MACROD1: variants seen among roughly 807,000 people sequenced by gnomAD.
The protein encoded by MACROD1 is ADP-ribose glycohydrolase MACROD1.
In MACROD1, 31 loss-of-function variants were observed where a neutral mutation model predicts 41.4. The observed-to-expected ratio is 0.75, with a 90% CI of 0.56 to 1.01. MACROD1 has a LOEUF of 1.01. MACROD1 is among the 50% of genes least tolerant of loss of function. The pLI is 0.00. For missense variants in MACROD1, 473 were observed against 460.0 expected (o/e 1.03, Z -0.26); for synonymous variants, 252 against 203.4 (o/e 1.24, Z -2.03).
intron 1 of MACROD1, among the ~76,000 whole-genome samples, chr11:64,164,138 G>A (rs1192154513): frequency 6.6e-6 from 1 of 152,218 alleles, no homozygotes; most frequent in African/African-American, 2.4e-5. Context: ...CAGATTACAA[G>A]CTCCATGAGG....
chr11:64,004,692 C>T (rs1048582880), intron 4 of MACROD1, among the ~76,000 whole-genome samples: 1 of 152,070 alleles, frequency 6.6e-6, no homozygotes, highest in Non-Finnish European at 1.5e-5. Context: ...TTCCTGGCCA[C>T]GAGATTGCTG....
At chr11:64,034,253 C>T (rs1943331959) in intron 3 of MACROD1, among the ~76,000 whole-genome samples, 1 of 152,230 alleles carries the variant, frequency 6.6e-6, no homozygotes, top group African/African-American at 2.4e-5. Flanking sequence ...ACGGAAACCA[C>T]AGCTCTGTAA....
chr11:64,053,046 C>T (rs74932083), intron 3 of MACROD1, among the ~76,000 whole-genome samples: 1,902 of 152,318 alleles, frequency 0.012, 39 homozygotes, highest in African/African-American at 0.043. Context: ...CCAAACAGTG[C>T]GCTGCAGCCT....
At chr11:64,081,224 A>G (rs745430540) in intron 3 of MACROD1, among the ~76,000 whole-genome samples, 3 of 152,080 alleles carry the variant, frequency 2.0e-5, no homozygotes, top group Non-Finnish European at 4.4e-5. Context: ...GTTTCACCAT[A>G]TTGGCCAGGC....
chr11:64,137,366 G>C (rs566667888), intron 3 of MACROD1, among the ~76,000 whole-genome samples: 2 of 152,124 alleles, frequency 1.3e-5, no homozygotes, highest in African/African-American at 4.8e-5. Flanking sequence ...CATCCTTGGG[G>C]GAGATAAAGA....
intron 1 of MACROD1, among the ~76,000 whole-genome samples, chr11:64,165,015 G>A (rs1945816134): frequency 6.6e-6 from 1 of 152,222 alleles, no homozygotes; most frequent in Admixed American, 6.5e-5. Flanking sequence ...CCCCACCTCT[G>A]CCCTGCTCCT....
At chr11:64,079,820 G>T (rs1944272923) in intron 3 of MACROD1, among the ~76,000 whole-genome samples, 1 of 152,124 alleles carries the variant, frequency 6.6e-6, no homozygotes, top group South Asian at 2.1e-4. Flanking sequence ...GGGACCACTT[G>T]GACCCCAGGA....
intron 1 of MACROD1, 60 bp from the exon 2 acceptor site, chr11:64,152,453 C>A (rs897354007): frequency 3.1e-6 from 4 of 1,278,954 alleles, no homozygotes; most frequent in Non-Finnish European, 4.6e-6. Flanking sequence ...GGGCTTGCAC[C>A]CCCACATCTC....
At chr11:64,100,363 T>A (rs1008159838) in intron 3 of MACROD1, among the ~76,000 whole-genome samples, 1 of 152,238 alleles carries the variant, frequency 6.6e-6, no homozygotes, top group Non-Finnish European at 1.5e-5. Flanking sequence ...GAAAATTGTG[T>A]AAGCATCTCA....
In MACROD1 at chr11:64,090,359, T is replaced by TA. The variant is rs1347240378; in HGVS notation, c.517+60879dup. 6.6e-6 allele frequency among the ~76,000 whole-genome samples: 1 copy of TA among 152,230 alleles called. No individual in the cohort carries two copies. The highest frequency in any genetic ancestry group is 2.4e-5 in the African/African-American group (1 of 41,454). On this transcript the variant is annotated intron_variant, in intron 3 of 10. Coordinates refer to ENST00000255681, the MANE Select transcript of MACROD1 (RefSeq NM_014067.4). This position sits in a 1 kb window ranked among gnomAD's most constrained non-coding sequence, Gnocchi z 4.7. ...TCTTAGTGGGTAGGAAAGCCACAAA[T>TA]AAGTAAACTCAGGCAGCAGGGCACA...
At chr11:64,055,523 A>C (rs558310447) in intron 3 of MACROD1, among the ~76,000 whole-genome samples, 15 of 152,240 alleles carry the variant, frequency 9.9e-5, no homozygotes, top group Non-Finnish European at 1.8e-4. Context: ...GCTAAAGAGG[A>C]GCGGGGGAAC....
In MACROD1 at chr11:64,139,727, C is replaced by A. The variant is rs184022927; in HGVS notation, c.517+11512G>T. ...ATCCCAGCACTTTAGGAGGTGGAGG[C>A]GGGCGGATCACGAGGTCAGGAGATC... is the stretch of plus-strand genomic sequence containing the variant. On this transcript the variant is annotated intron_variant, in intron 3 of 10. Transcript: ENST00000255681. Among the ~76,000 whole-genome samples, 593 of 152,026 alleles carry A rather than the reference C, an allele frequency of 3.9e-3. 3 individuals are homozygous for A. The highest frequency in any genetic ancestry group is 6.8e-3 in the Middle Eastern group (2 of 294).
intron 3 of MACROD1, among the ~76,000 whole-genome samples, chr11:64,102,250 C>G (rs1024155569): frequency 6.6e-6 from 1 of 152,164 alleles, no homozygotes; most frequent in East Asian, 1.9e-4. Flanking sequence ...TTCCACATGC[C>G]GCACTAATGA....
intron 3 of MACROD1, among the ~76,000 whole-genome samples, chr11:64,142,267 C>T (rs1384157069): frequency 6.6e-6 from 1 of 152,204 alleles, no homozygotes; most frequent in Non-Finnish European, 1.5e-5. Context: ...TGGTGGCTCA[C>T]ACCTGTAATC....
rs191233742 is a variant in MACROD1, at chr11:64,113,348, C to T, written c.517+37891G>A. ...AATATAGTAGATGCTCAATAAAGCTCTGTTGGATGCATGATGGATGGATGG... is the reference window on the plus strand; with the variant it reads ...AATATAGTAGATGCTCAATAAAGCTTTGTTGGATGCATGATGGATGGATGG... On this transcript the variant is annotated intron_variant, in intron 3 of 10. Transcript: ENST00000255681. Among the ~76,000 whole-genome samples the T allele has an allele frequency of 7.2e-5, 11 of 152,278 alleles. No individual in the cohort carries two copies. In the East Asian group the frequency reaches 2.1e-3, roughly 29 times the overall value.
chr11:64,060,193 C>T (rs1000124498), intron 3 of MACROD1, among the ~76,000 whole-genome samples: 19 of 152,272 alleles, frequency 1.2e-4, no homozygotes, highest in Admixed American at 1.3e-4. Context: ...ATCTGCCCAG[C>T]GGGCAGAGAG....
intron 3 of MACROD1, among the ~76,000 whole-genome samples, chr11:64,032,614 C>T (rs1943308910): frequency 6.6e-6 from 1 of 152,110 alleles, no homozygotes; most frequent in South Asian, 2.1e-4. Context: ...CAAATCATCG[C>T]CAGGTGACTT....
rs1238199409 is a variant in MACROD1, at chr11:64,090,528, A to AC, written c.517+60710dup. Among the ~76,000 whole-genome samples the AC allele has an allele frequency of 2.0e-5, 3 of 152,048 alleles. No homozygotes were observed. Among genetic ancestry groups the AC allele is most frequent in the African/African-American group, 7.3e-5 (3 of 41,372 alleles). On this transcript the variant is annotated intron_variant, in intron 3 of 10. Coordinates refer to ENST00000255681, the MANE Select transcript of MACROD1 (RefSeq NM_014067.4). This position sits in a 1 kb window ranked among gnomAD's most constrained non-coding sequence, Gnocchi z 4.7. ...ATTTGCTTCCCCGGGCCCTCCCTCG[A>AC]CCGGCTCTGCCTGCTCACAGGTGGC... is the stretch of plus-strand genomic sequence containing the variant.
chr11:64,095,257 C>T (rs1230851186), intron 3 of MACROD1, among the ~76,000 whole-genome samples: 1 of 152,162 alleles, frequency 6.6e-6, no homozygotes, highest in Non-Finnish European at 1.5e-5. Flanking sequence ...CTCAGGCGCA[C>T]TTTAAGTTCT....
Sources: gnomAD v4.1 joint callset for allele counts (sites outside exome capture counted in the v4.1 genomes callset) on GRCh38, gnomAD v4.1.1 for gene constraint, Gnocchi (gnomAD v3.1) non-coding constraint, MANE v1.5 for transcripts, NCBI Gene and HGNC (gene_info 2026-07-23, HGNC 2026-07-21) for gene names.